Variants in KDM5A observed in about 807,000 individuals in gnomAD.
KDM5A encodes the protein lysine-specific demethylase 5A.
In KDM5A, 42 loss-of-function variants were observed where a neutral mutation model predicts 193.5. The ratio of observed to expected loss-of-function variants is 0.22; its 90% CI spans 0.17 to 0.28. KDM5A has a LOEUF of 0.28. Ranked by LOEUF, KDM5A falls within the 10% of genes least tolerant of loss-of-function variation. The probability of loss-of-function intolerance (pLI) is 1.00; values close to 1 mark genes in which losing one functional copy is unlikely to be tolerated. For synonymous variants in KDM5A, 796 were observed against 718.1 expected, an observed-to-expected ratio of 1.11 and a Z score of -1.73; for missense variants, 1,692 against 2,055.1, an observed-to-expected ratio of 0.82 and a Z score of 3.42.
intron 12 of KDM5A, 60 bp downstream of exon 12, chr12:333,427 A>T (rs1943887388): frequency 6.3e-7 from 1 of 1,594,650 alleles, no homozygotes; most frequent in East Asian, 2.2e-5. Flanking sequence ...TCAAAAAAAA[A>T]GAAAAAAGAA....
At position 307,053 on chromosome 12, in the gene KDM5A, G is replaced by A. The variant is rs768337054; in HGVS notation, c.3967C>T (p.Arg1323Trp). Reference protein sequence around the residue: ...LPSFQQSAFNRVVSSVSSSPR... With the variant: ...LPSFQQSAFNWVVSSVSSSPR... Reference sequence around the variant, plus strand: ...GAAGATGACACACTGCTCACCACCCGGTTAAAAGCAGACTGCTGGAAACTA... The same window carrying A: ...GAAGATGACACACTGCTCACCACCCAGTTAAAAGCAGACTGCTGGAAACTA... Residue 1323 changes from arginine (R) to tryptophan (W), a missense_variant, in exon 24 of 28, where the codon CGG becomes TGG. Transcript: ENST00000399788. This position sits in a 1 kb window ranked among gnomAD's most constrained non-coding sequence, Gnocchi z 4.3. 42 of 1,613,852 alleles carry A rather than the reference G, an allele frequency of 2.6e-5. No homozygotes were observed. Among genetic ancestry groups the A allele is most frequent in the Middle Eastern group, 1.6e-4 (1 of 6,084 alleles).
At chr12:320,876 ATG>A in intron 18 of KDM5A, 117 bp downstream of exon 18, 2 of 777,194 alleles carry the variant, frequency 2.6e-6, no homozygotes, top group Non-Finnish European at 4.7e-6. Flanking sequence ...AGCAGCATAT[ATG>A]TGAGAGAAAA....
chr12:387,154 G>C (rs1050967742), intron 1 of KDM5A: 3 of 261,522 alleles, frequency 1.1e-5, no homozygotes, highest in Non-Finnish European at 2.3e-5. Context: ...TTCAAGTGGG[G>C]TCTAAATAAC....
rs766599973 is a variant in KDM5A at position 318,407 on chromosome 12, C to T, written c.2596G>A (p.Asp866Asn). The change falls in exon 19 of 28, where the codon GAT (aspartate) becomes AAT (asparagine). Residue 866 changes from aspartate to asparagine, a missense_variant. Transcript: ENST00000399788. ...FHERAQEAMMDETPDSSKLQM... is the reference protein window; with the variant it reads ...FHERAQEAMMNETPDSSKLQM... ...AGTTTGGAAGAATCTGGGGTTTCAT[C>T]CATCATGGCCTCCTGAGCACGTTCA... 3.7e-6 allele frequency: 6 copies of T among 1,614,112 alleles called. No homozygotes were observed. The highest frequency in any genetic ancestry group is 4.2e-6 in the Non-Finnish European group (5 of 1,179,996).
At chr12:297,262 G>T in intron 24 of KDM5A, 62 bp from the exon 25 acceptor site, 1 of 1,479,424 alleles carries the variant, frequency 6.8e-7, no homozygotes, top group Non-Finnish European at 9.4e-7. Context: ...TTATGACAAG[G>T]CCCAAAATGG....
intron 26 of KDM5A, 27 bp downstream of exon 26, chr12:295,546 C>T: frequency 6.3e-7 from 1 of 1,594,352 alleles, no homozygotes; most frequent in Non-Finnish European, 8.6e-7. Flanking sequence ...TTTTTAACCA[C>T]TGTTTAAATA....
chr12:328,023 T>C (rs554315174), intron 14 of KDM5A, among the ~76,000 whole-genome samples: 1 of 152,080 alleles, frequency 6.6e-6, no homozygotes, highest in South Asian at 2.1e-4. Flanking sequence ...TTCAAAAAGG[T>C]GGTACAGAGC....
Position 284,922 on chromosome 12 carries a change from C to T in KDM5A, c.*534G>A, listed in dbSNP as rs539709257. On this transcript the variant is annotated 3_prime_UTR_variant, in exon 28 of 28. Transcript: ENST00000399788. ...AATAGACTGTGATACCATTCCTTGA[C>T]GTCTAACAGAAATAACTTTGGCCCT... 9.8e-5 allele frequency: 24 copies of T among 244,514 alleles called. No individual in the cohort carries two copies. Among genetic ancestry groups the T allele is most frequent in the East Asian group, 5.2e-4 (9 of 17,446 alleles). 15.1% of individuals were successfully genotyped at this position (244,514 alleles called of 1,614,324 possible). A position where few individuals can be genotyped will look rare whatever the true frequency, so the allele number is the denominator to read the frequency against.
At position 384,144 on chromosome 12, in the gene KDM5A, TG is replaced by T; in HGVS notation, c.252del (p.Arg85GlufsTer2). The T allele has an allele frequency of 6.3e-7, 1 of 1,593,022 alleles. No homozygotes were observed. Among genetic ancestry groups the T allele is most frequent in the Non-Finnish European group, 8.6e-7 (1 of 1,160,808 alleles). ...VQRLNELEAM[T>X]RVRLDFLDQL... ...TGATCCAAGAAATCCAATCTCACTCTGGTCATTGCCTAAGATTATTAAAATA... is the reference window on the plus strand; with the variant it reads ...TGATCCAAGAAATCCAATCTCACTCTGTCATTGCCTAAGATTATTAAAATA... On this transcript the variant is annotated frameshift_variant, in exon 3 of 28. Coordinates refer to ENST00000399788, the MANE Select transcript of KDM5A (RefSeq NM_001042603.3). LOFTEE classifies it high-confidence loss of function.
rs1943149971 is a variant in KDM5A, at chr12:281,071, G to C, written c.*4385C>G. 1 of 232,824 alleles carries C rather than the reference G, an allele frequency of 4.3e-6. No individual in the cohort carries two copies. Among genetic ancestry groups the C allele is most frequent in the Admixed American group, 5.6e-5 (1 of 17,766 alleles). The allele number at this position is 232,824 out of a possible 1,614,324, so 14.4% of individuals were successfully genotyped here. Reference sequence around the variant, plus strand: ...CACCAATGTAAATGACAGGGGTTAGGGTGGGTATGGGTGTGGGGAACCTGA... The same window carrying C: ...CACCAATGTAAATGACAGGGGTTAGCGTGGGTATGGGTGTGGGGAACCTGA... On this transcript the variant is annotated 3_prime_UTR_variant, in exon 28 of 28. Transcript: ENST00000399788.
At chr12:303,813 C>G (rs1389721048) in intron 24 of KDM5A, among the ~76,000 whole-genome samples, 1 of 151,636 alleles carries the variant, frequency 6.6e-6, no homozygotes, top group Admixed American at 6.6e-5. Flanking sequence ...TAGAATCTTA[C>G]CAATTGCTCT....
At chr12:363,184 G>T in intron 4 of KDM5A, 87 bp from the exon 5 acceptor site, 1 of 1,475,392 alleles carries the variant, frequency 6.8e-7, no homozygotes, top group Non-Finnish European at 9.5e-7. Flanking sequence ...AATTGCCAAT[G>T]AATCCCTAAA....
At chr12:326,628 G>A (rs762953312) in intron 14 of KDM5A, among the ~76,000 whole-genome samples, 8 of 152,132 alleles carry the variant, frequency 5.3e-5, no homozygotes, top group Non-Finnish European at 8.8e-5. Context: ...TTGGGAGGCC[G>A]AGGTGGACGG....
In KDM5A at chr12:283,536, A is replaced by G. The variant is rs1324763891; in HGVS notation, c.*1920T>C. On this transcript the variant is annotated 3_prime_UTR_variant, in exon 28 of 28. Transcript: ENST00000399788. The stretch of plus-strand genomic sequence containing the variant: ...AAAACATTTACAGAAATTGGATTTT[A>G]TAAGAAAACATCTTTTTTTTTGTAA... 1 of 233,036 alleles carries G rather than the reference A, an allele frequency of 4.3e-6. No homozygotes were observed. The highest frequency in any genetic ancestry group is 8.5e-6 in the Non-Finnish European group (1 of 117,718). The allele number at this position is 233,036 out of a possible 1,614,324, so 14.4% of individuals were successfully genotyped here. A position where few individuals can be genotyped will look rare whatever the true frequency, so the allele number is the denominator to read the frequency against.
chr12:309,640 T>C (rs1321879502), intron 22 of KDM5A, among the ~76,000 whole-genome samples, 163 bp downstream of exon 22: 1 of 152,246 alleles, frequency 6.6e-6, no homozygotes, highest in Non-Finnish European at 1.5e-5. Context: ...ACTTTTTGTA[T>C]ATCTTGATTA....
chr12:379,625 CAA>C (rs1264304196), intron 3 of KDM5A, among the ~76,000 whole-genome samples: 3 of 152,110 alleles, frequency 2.0e-5, no homozygotes, highest in African/African-American at 7.2e-5. Flanking sequence ...AACTACAAAT[CAA>C]AGTTTGTCTG....
At chr12:315,091 C>T (rs913237421) in intron 19 of KDM5A, among the ~76,000 whole-genome samples, 31 of 152,094 alleles carry the variant, frequency 2.0e-4, no homozygotes, top group Admixed American at 2.0e-3. Flanking sequence ...TCTAGGCAAG[C>T]TTGTCTTGTC....
rs555060929 is a variant in KDM5A, at chr12:383,638, C to T, written c.366+393G>A. ...ATTTTGCATATTGTATATCACAGAG[C>T]CTGATAAATATTAATATTTAGTAAT... On this transcript the variant is annotated intron_variant, in intron 3 of 27. Coordinates refer to ENST00000399788, the MANE Select transcript of KDM5A (RefSeq NM_001042603.3). Among the ~76,000 whole-genome samples, 6 of 152,132 alleles carry T rather than the reference C, an allele frequency of 3.9e-5. No homozygotes were observed. The South Asian group carries it at 1.2e-3, about 32-fold the overall frequency.
Position 307,499 on chromosome 12 carries a change from G to A in KDM5A, c.3885C>T (p.Ile1295=). 6.2e-7 allele frequency: 1 copy of A among 1,613,728 alleles called. No individual in the cohort carries two copies. The highest frequency in any genetic ancestry group is 1.1e-5 in the South Asian group (1 of 91,056). ...EQAAREKTEK[I]ISAELQKAAA... ...CTGCTTTTTGGAGTTCTGCACTGAT[G>A]ATCTTTTCAGTTTTTTCTCGAGCCG... is the stretch of plus-strand genomic sequence containing the variant. The change falls in exon 23 of 28, where the codon ATC becomes ATT. Residue 1295 remains isoleucine, a synonymous_variant. Transcript: ENST00000399788. This position sits in a 1 kb window ranked among gnomAD's most constrained non-coding sequence, Gnocchi z 4.3.
Sources: gnomAD v4.1 joint callset for allele counts (sites outside exome capture counted in the v4.1 genomes callset) on GRCh38, gnomAD v4.1.1 for gene constraint, Gnocchi (gnomAD v3.1) non-coding constraint, MANE v1.5 for transcripts, NCBI Gene and HGNC (gene_info 2026-07-23, HGNC 2026-07-21) for gene names.